CTBP2: variants seen among roughly 807,000 people sequenced by gnomAD.
CTBP2 encodes the protein C-terminal binding protein 2, also known as C-terminal-binding protein 2.
CTBP2 carries 30 observed loss-of-function variants against 80.3 expected under a neutral mutation model. The observed-to-expected ratio is 0.37, with a 90% confidence interval of 0.28 to 0.51. The LOEUF (loss-of-function observed/expected upper bound fraction) is 0.51, where lower values mean the gene tolerates loss of function less well. CTBP2 is among the 20% of genes least tolerant of loss of function. The pLI, the probability that CTBP2 is intolerant of heterozygous loss-of-function variation, is 0.93. For synonymous variants in CTBP2, 594 were observed against 587.4 expected, an observed-to-expected ratio of 1.01 and a Z score of -0.16; for missense variants, 1,212 against 1,375.3, an observed-to-expected ratio of 0.88 and a Z score of 1.88.
intron 1 of CTBP2, among the ~76,000 whole-genome samples, chr10:125,009,202 A>G (rs1319786683): frequency 6.6e-6 from 1 of 152,216 alleles, no homozygotes; most frequent in Non-Finnish European, 1.5e-5. Context: ...TAAGTAAATT[A>G]AATTTATGTT....
At chr10:125,039,222 G>A in intron 2 of CTBP2, 67 bp from the exon 3 acceptor site, 2 of 561,646 alleles carry the variant, frequency 3.6e-6, no homozygotes, top group South Asian at 4.8e-5. Context: ...CAGCTCACTG[G>A]GGACTTAACT....
rs1481476184 is a variant in CTBP2, at chr10:125,023,350, G to C, written c.1678+2732C>G. Among the ~76,000 whole-genome samples, 3 of 152,198 alleles carry C rather than the reference G, an allele frequency of 2.0e-5. 1 individual carries two copies. The South Asian group carries it at 6.2e-4, about 31-fold the overall frequency. Reference sequence around the variant, plus strand: ...GAGCCCTGTGCAGGCTGCAGGCTTGGCTGTATTTTGTGAAGACAAAGATAT... The same window carrying C: ...GAGCCCTGTGCAGGCTGCAGGCTTGCCTGTATTTTGTGAAGACAAAGATAT... On this transcript the variant is annotated intron_variant, in intron 1 of 8. Coordinates refer to ENST00000309035, the MANE Select transcript of CTBP2 (RefSeq NM_022802.3).
intron 1 of CTBP2, among the ~76,000 whole-genome samples, chr10:125,131,981 A>T (rs951602995): frequency 1.3e-5 from 2 of 152,068 alleles, no homozygotes; most frequent in African/African-American, 4.8e-5. Context: ...TCTCTGCCAT[A>T]CTCACCTTCT....
At position 125,005,880 on chromosome 10, in the gene CTBP2, A is replaced by G. The variant is rs1955178005; in HGVS notation, c.1679-2388T>C. ...TTTCAGGGGTGCTGGCAGGATGGTT[A>G]TCGGAGAGAGTGCCTGATTATAAGA... On this transcript the variant is annotated intron_variant, in intron 1 of 8. Transcript: ENST00000309035. The G allele has an allele frequency of 2.6e-6, 4 of 1,540,122 alleles. No homozygotes were observed. The Admixed American group carries it at 6.0e-5, about 23-fold the overall frequency.
chr10:125,117,150 C>T (rs1203007242), intron 1 of CTBP2, among the ~76,000 whole-genome samples: 10 of 151,948 alleles, frequency 6.6e-5, no homozygotes, highest in Non-Finnish European at 1.0e-4. Flanking sequence ...CTGGCCTTCC[C>T]AACCCTCCTC....
intron 2 of CTBP2, among the ~76,000 whole-genome samples, chr10:125,044,116 G>GC (rs1222780315): frequency 1.3e-5 from 2 of 152,140 alleles, no homozygotes; most frequent in Non-Finnish European, 2.9e-5. Context: ...CCAGATGGCC[G>GC]CATCAATGCA....
chr10:125,020,326 C>G (rs1394098141), intron 1 of CTBP2, among the ~76,000 whole-genome samples: 2 of 152,042 alleles, frequency 1.3e-5, no homozygotes, highest in Non-Finnish European at 2.9e-5. Flanking sequence ...GACAGCACAG[C>G]CACACAAAAC....
intron 2 of CTBP2, among the ~76,000 whole-genome samples, chr10:125,047,946 T>A (rs1961681849): frequency 6.6e-6 from 1 of 152,182 alleles, no homozygotes; most frequent in Non-Finnish European, 1.5e-5. Context: ...AATCTTCAGG[T>A]TAGATTTTTA....
chr10:125,049,214 G>A (rs1962112601), intron 2 of CTBP2, among the ~76,000 whole-genome samples: 2 of 152,196 alleles, frequency 1.3e-5, no homozygotes, highest in African/African-American at 4.8e-5. Flanking sequence ...AATGGGAGGG[G>A]CTGGTGTAGC....
chr10:124,992,978 GC>G (rs1405552038), intron 7 of CTBP2, among the ~76,000 whole-genome samples, 166 bp from the exon 10 acceptor site: 1 of 152,090 alleles, frequency 6.6e-6, no homozygotes, highest in Non-Finnish European at 1.5e-5. Context: ...GCCTCTGTGT[GC>G]CCCCCGACCC....
intron 1 of CTBP2, chr10:125,005,786 G>GCCCCTACTTGA: frequency 6.2e-7 from 1 of 1,612,616 alleles, no homozygotes; most frequent in African/African-American, 1.3e-5. Flanking sequence ...CAACCCTGTG[G>GCCCCTACTTGA]GGCCTGGAAG....
At chr10:125,109,808 C>T (rs559876850) in intron 2 of CTBP2, among the ~76,000 whole-genome samples, 29 of 152,352 alleles carry the variant, frequency 1.9e-4, no homozygotes, top group African/African-American at 6.0e-4. Context: ...TCCACCTGTT[C>T]GATTCACAGA....
At chr10:125,074,643 C>T (rs1158215285) in intron 2 of CTBP2, among the ~76,000 whole-genome samples, 2 of 152,234 alleles carry the variant, frequency 1.3e-5, no homozygotes, top group Non-Finnish European at 2.9e-5. Flanking sequence ...CAGTGCCTGG[C>T]GAACACTGTC....
chr10:125,077,820 C>T (rs1308403630), intron 2 of CTBP2, among the ~76,000 whole-genome samples: 1 of 152,138 alleles, frequency 6.6e-6, no homozygotes, highest in Non-Finnish European at 1.5e-5. Flanking sequence ...TCATTTAGTC[C>T]AAACGGGGCC....
upstream of CTBP2, chr10:125,160,854 G>A (rs1039951137): frequency 6.8e-6 from 1 of 147,176 alleles, no homozygotes; most frequent in Non-Finnish European, 1.5e-5. Context: ...TTCCAACTTG[G>A]ATCGGGGGAG....
rs146329695 is a variant in CTBP2, at chr10:124,998,018, C to G, written c.2131G>C (p.Val711Leu). 69 of 1,613,144 alleles carry G rather than the reference C, an allele frequency of 4.3e-5. No homozygotes were observed. The highest frequency in any genetic ancestry group is 5.8e-5 in the Non-Finnish European group (68 of 1,180,010). ...CGGATGCGGGCCGCTCCCGAGGCCA[C>G]CTCGCGGATCTGCTCCACGCTCTGA... Residue 711 changes from valine to leucine, a missense_variant, in exon 4 of 9, where the codon GTG (valine) becomes CTG (leucine). Physicochemically the swap from Val to Leu is conservative, Grantham distance 32. This residue lies in a region of CTBP2 where 335 missense variants were observed against 504.7 expected (regional missense o/e 0.66). Transcript: ENST00000309035.
chr10:125,064,045 TA>T (rs1047452157), intron 2 of CTBP2, among the ~76,000 whole-genome samples: 7 of 108,856 alleles, frequency 6.4e-5, no homozygotes, highest in Non-Finnish European at 1.4e-4. Flanking sequence ...TCCAGTTATT[TA>T]AAATGCATTA....
intron 1 of CTBP2, among the ~76,000 whole-genome samples, chr10:125,007,037 AG>A (rs1453378811): frequency 3.3e-5 from 5 of 152,252 alleles, no homozygotes; most frequent in African/African-American, 1.2e-4. Flanking sequence ...ACGAGGTATG[AG>A]GAGACACTTG....
At chr10:125,060,271 C>T (rs374163254) in intron 2 of CTBP2, among the ~76,000 whole-genome samples, 1 of 152,106 alleles carries the variant, frequency 6.6e-6, no homozygotes, top group Non-Finnish European at 1.5e-5. Context: ...TGGAGCTGAG[C>T]GGGTTACTCT....
Sources: gnomAD v4.1 joint callset for allele counts (sites outside exome capture counted in the v4.1 genomes callset) on GRCh38, gnomAD v4.1.1 for gene constraint, gnomAD v4.1.1 regional missense constraint, MANE v1.5 for transcripts, NCBI Gene and HGNC (gene_info 2026-07-23, HGNC 2026-07-21) for gene names.